The following TUBGCP2 variants were observed in gnomAD, a reference collection of about 807,000 sequenced individuals.
TUBGCP2 encodes the protein tubulin gamma complex component 2.
A neutral mutation model predicts 92.2 loss-of-function variants in TUBGCP2; 55 were observed. The observed-to-expected ratio is 0.60, with a 90% confidence interval of 0.48 to 0.75. TUBGCP2 has a LOEUF of 0.75. Among genes scored for constraint, TUBGCP2 ranks in the 30% least tolerant of loss-of-function variants. The probability of loss-of-function intolerance (pLI) is 0.00; values close to 1 mark genes in which losing one functional copy is unlikely to be tolerated. For missense variants in TUBGCP2, 1,093 were observed against 1,188.9 expected, an observed-to-expected ratio of 0.92 and a Z score of 1.19; for synonymous variants, 533 against 505.2, an observed-to-expected ratio of 1.06 and a Z score of -0.74.
At position 133,299,436 on chromosome 10, in the gene TUBGCP2, C is replaced by T. The variant is rs2298120; in HGVS notation, c.447G>A (p.Thr149=). The stretch of plus-strand genomic sequence containing the variant: ...GCCATGGACGCAGTACCTGCTGCAG[C>T]GTGGAGCCTGTGGCCACGCTGCCAA... The part of the protein sequence containing the change: ...KQLGSVATGS[T]LQQSLELKRK... Residue 149 remains threonine (T), a synonymous_variant, in exon 4 of 18, where the codon ACG becomes ACA. Transcript: ENST00000252936. 0.13 allele frequency: 213,968 copies of T among 1,601,380 alleles called. 15,126 individuals are homozygous for T. Among genetic ancestry groups the T allele is most frequent in the Admixed American group, 0.21 (12,284 of 59,322 alleles).
At chr10:133,280,484 C>T (rs1846939031) in intron 17 of TUBGCP2, among the ~76,000 whole-genome samples, 1 of 152,228 alleles carries the variant, frequency 6.6e-6, no homozygotes, top group South Asian at 2.1e-4. Flanking sequence ...GCAGTTTGGC[C>T]ACCTGGCCCT....
chr10:133,281,721 C>T (rs549816234), intron 16 of TUBGCP2, among the ~76,000 whole-genome samples: 22 of 152,366 alleles, frequency 1.4e-4, no homozygotes, highest in Admixed American at 6.5e-4. Context: ...GCAAGGAGGT[C>T]GGGGCGCCTC....
upstream of TUBGCP2, chr10:133,311,771 A>G (rs770066916): frequency 2.9e-5 from 47 of 1,613,688 alleles, no homozygotes; most frequent in Non-Finnish European, 3.8e-5. Flanking sequence ...AGGGGAGGCC[A>G]TGGAAATCTG....
chr10:133,309,111 G>A, upstream of TUBGCP2: 9 of 1,324,646 alleles, frequency 6.8e-6, no homozygotes, highest in Non-Finnish European at 7.7e-6. Flanking sequence ...GTGAGCAAAA[G>A]AGGGAAAAAG....
intron 16 of TUBGCP2, 118 bp downstream of exon 16, chr10:133,282,105 A>G (rs1264330507): frequency 1.5e-5 from 22 of 1,496,998 alleles, no homozygotes; most frequent in Non-Finnish European, 1.9e-5. Context: ...CTTTTCTTCA[A>G]TCTGAGGGGA....
chr10:133,284,381 G>A (rs977453000), intron 13 of TUBGCP2, among the ~76,000 whole-genome samples: 3 of 152,118 alleles, frequency 2.0e-5, no homozygotes, highest in East Asian at 1.9e-4. Flanking sequence ...TTTTTTCTTC[G>A]AGAGACAGGG....
At chr10:133,283,421 A>G (rs1392826781) in intron 14 of TUBGCP2, among the ~76,000 whole-genome samples, 200 bp from the exon 15 acceptor site, 2 of 138,608 alleles carry the variant, frequency 1.4e-5, no homozygotes, top group Non-Finnish European at 1.5e-5. Context: ...TCATTTCTTA[A>G]GGCAGAAGAC....
intron 16 of TUBGCP2, among the ~76,000 whole-genome samples, chr10:133,281,926 T>G (rs1846990902): frequency 6.6e-6 from 1 of 152,242 alleles, no homozygotes; most frequent in Non-Finnish European, 1.5e-5. Flanking sequence ...AGGACCGAGC[T>G]CAGCAGGGAC....
intron 8 of TUBGCP2, among the ~76,000 whole-genome samples, chr10:133,291,817 A>G (rs866593397): frequency 1.1e-4 from 4 of 36,866 alleles, no homozygotes; most frequent in Admixed American, 5.7e-4. Flanking sequence ...CGTGTCCCCC[A>G]TGTCCCTCCG....
intron 8 of TUBGCP2, 107 bp from the exon 9 acceptor site, chr10:133,290,076 A>G (rs1159276787): frequency 1.6e-5 from 23 of 1,448,742 alleles, no homozygotes; most frequent in Non-Finnish European, 2.1e-5. Context: ...AGGCCAGCAC[A>G]CTTCCAAGTA....
At chr10:133,281,060 C>T (rs1453595144) in intron 17 of TUBGCP2, among the ~76,000 whole-genome samples, 4 of 126,918 alleles carry the variant, frequency 3.2e-5, no homozygotes, top group African/African-American at 9.2e-5. Flanking sequence ...AAGGCTGAGC[C>T]GGGGCAGCAC....
At position 133,293,799 on chromosome 10, in the gene TUBGCP2, C is replaced by G. The variant is rs1282616651; in HGVS notation, c.617-30G>C. On this transcript the variant is annotated intron_variant, in intron 5 of 17. Coordinates refer to ENST00000252936, the MANE Select transcript of TUBGCP2 (RefSeq NM_006659.4). ...GGGCACAGACAGCGCTGTGGCTCTG[C>G]AGCCCCCACTCCCATGCCCCCACAG... 3.9e-6 allele frequency: 6 copies of G among 1,553,786 alleles called. No individual in the cohort carries two copies. The Admixed American group carries it at 1.2e-4, about 30-fold the overall frequency.
chr10:133,311,556 C>A, upstream of TUBGCP2: 1 of 614,364 alleles, frequency 1.6e-6, no homozygotes, highest in East Asian at 2.8e-5. Flanking sequence ...CTCCTTTTCC[C>A]AGTATCTTAA....
chr10:133,309,712 G>T, upstream of TUBGCP2: 2 of 1,579,894 alleles, frequency 1.3e-6, no homozygotes, highest in South Asian at 1.1e-5. Flanking sequence ...GGGAAACTGT[G>T]CAGAAAGTCC....
In TUBGCP2 at chr10:133,285,043, C is replaced by T. The variant is rs184527226; in HGVS notation, c.2024+42G>A. The T allele has an allele frequency of 7.0e-3, 10,906 of 1,563,942 alleles. 53 individuals carry two copies. The highest frequency in any genetic ancestry group is 8.6e-3 in the Non-Finnish European group (9,935 of 1,151,578). On this transcript the variant is annotated intron_variant, in intron 13 of 17. Coordinates refer to ENST00000252936, the MANE Select transcript of TUBGCP2 (RefSeq NM_006659.4). The surrounding 1 kb of genome is among the most constrained non-coding windows in gnomAD (Gnocchi z 6.8). The stretch of plus-strand genomic sequence containing the variant: ...GCACCACTGGGCAGAGTGCAGCGAG[C>T]GCTGCTTCAGGAGGGCATGCGGGGG...
upstream of TUBGCP2, chr10:133,310,427 G>A: frequency 9.0e-7 from 1 of 1,114,584 alleles, no homozygotes; most frequent in Non-Finnish European, 1.3e-6. Context: ...GGTACCTGAA[G>A]CCCTGGCAAC....
upstream of TUBGCP2, chr10:133,309,639 A>C: frequency 7.9e-7 from 1 of 1,265,120 alleles, no homozygotes; most frequent in Admixed American, 1.9e-5. Flanking sequence ...TGTGAAACTT[A>C]ATTCATAAAA....
At chr10:133,281,776 C>G (rs1475106280) in intron 16 of TUBGCP2, among the ~76,000 whole-genome samples, 2 of 152,262 alleles carry the variant, frequency 1.3e-5, no homozygotes, top group Non-Finnish European at 2.9e-5. Context: ...AACCCAACTC[C>G]TCTCTGCCAG....
chr10:133,289,055 C>T, intron 9 of TUBGCP2, 35 bp from the exon 10 acceptor site: 2 of 1,592,660 alleles, frequency 1.3e-6, no homozygotes, highest in Middle Eastern at 1.7e-4. Context: ...TTATTCTCCA[C>T]ATGGTCGATC....
Sources: allele counts gnomAD v4.1 joint callset (sites outside exome capture counted in the v4.1 genomes callset), GRCh38; gene constraint gnomAD v4.1.1; non-coding constraint Gnocchi (gnomAD v3.1); transcripts MANE v1.5; gene names NCBI Gene and HGNC (gene_info 2026-07-23, HGNC 2026-07-21).